Variants in GALNT10 observed in about 807,000 individuals in gnomAD.
GALNT10 encodes the protein polypeptide N-acetylgalactosaminyltransferase 10, also known as GalNAc transferase 10.
In GALNT10, 41 loss-of-function variants were observed where a neutral mutation model predicts 75.0. The ratio of observed to expected loss-of-function variants is 0.55; its 90% CI spans 0.43 to 0.71. The LOEUF is 0.71. GALNT10 is among the 30% of genes least tolerant of loss of function. The pLI is 0.00. For synonymous variants in GALNT10, 302 were observed against 313.0 expected, an observed-to-expected ratio of 0.96 and a Z score of 0.37; for missense variants, 727 against 818.5, an observed-to-expected ratio of 0.89 and a Z score of 1.36.
chr5:154,370,230 G>A (rs1291107627), intron 4 of GALNT10, among the ~76,000 whole-genome samples: 1 of 152,236 alleles, frequency 6.6e-6, no homozygotes, highest in Non-Finnish European at 1.5e-5. Flanking sequence ...AAGGTTCGCA[G>A]ACGCCTCTGG....
chr5:154,333,431 T>A (rs1754896852), intron 4 of GALNT10, among the ~76,000 whole-genome samples: 2 of 152,194 alleles, frequency 1.3e-5, no homozygotes, highest in Admixed American at 1.3e-4. Context: ...TCCCATTGTA[T>A]TACGGTGCAA....
intron 1 of GALNT10, among the ~76,000 whole-genome samples, chr5:154,225,914 A>T (rs1666178335): frequency 6.8e-6 from 1 of 146,234 alleles, no homozygotes; most frequent in South Asian, 2.2e-4. Flanking sequence ...GTTTTCACTC[A>T]TAGGTGGGAA....
chr5:154,277,433 C>T (rs1753968928), intron 1 of GALNT10, among the ~76,000 whole-genome samples: 2 of 151,340 alleles, frequency 1.3e-5, no homozygotes, highest in Non-Finnish European at 2.9e-5. Flanking sequence ...AGTCACAGAG[C>T]CAGACCAACT....
chr5:154,217,347 G>A (rs549499048), intron 1 of GALNT10, among the ~76,000 whole-genome samples: 65 of 152,292 alleles, frequency 4.3e-4, no homozygotes, highest in Non-Finnish European at 5.7e-4. Flanking sequence ...GGCAGATCAC[G>A]CTCCTCTTGT....
chr5:154,360,383 G>A (rs539683838), intron 4 of GALNT10, among the ~76,000 whole-genome samples: 22 of 151,906 alleles, frequency 1.4e-4, no homozygotes, highest in Admixed American at 3.9e-4. Flanking sequence ...TCCGGAAGGC[G>A]GAGGTTGCAG....
At position 154,419,590 on chromosome 5, in the gene GALNT10, G is replaced by T. The variant is rs1216203233; in HGVS notation, c.*2618G>T. ...TCACACCCTGAAAAGGGATGGGTGT[G>T]TCCTCTGAGCACTCTGGCATTTGTC... On this transcript the variant is annotated 3_prime_UTR_variant, in exon 12 of 12. Coordinates refer to ENST00000297107, the MANE Select transcript of GALNT10 (RefSeq NM_198321.4). 1 of 152,204 alleles carries T rather than the reference G, an allele frequency of 6.6e-6. No individual in the cohort carries two copies. Among genetic ancestry groups the T allele is most frequent in the Non-Finnish European group, 1.5e-5 (1 of 68,066 alleles). 9.4% of individuals were successfully genotyped at this position (152,204 alleles called of 1,614,324 possible). A position where few individuals can be genotyped will look rare whatever the true frequency, so the allele number is the denominator to read the frequency against.
intron 1 of GALNT10, among the ~76,000 whole-genome samples, chr5:154,221,954 G>A (rs1250899057): frequency 1.3e-5 from 2 of 151,614 alleles, no homozygotes; most frequent in South Asian, 2.1e-4. Flanking sequence ...TTTTTTTTCC[G>A]TGAAGCTTAG....
intron 1 of GALNT10, among the ~76,000 whole-genome samples, chr5:154,253,002 G>GT (rs373849888): frequency 0.027 from 2,466 of 89,828 alleles, 97 homozygotes; most frequent in East Asian, 0.084. Flanking sequence ...TTTTTTAGTG[G>GT]TTTTTTTTTT....
intron 1 of GALNT10, among the ~76,000 whole-genome samples, chr5:154,286,166 C>G (rs1168740973): frequency 6.6e-6 from 1 of 152,116 alleles, no homozygotes; most frequent in African/African-American, 2.4e-5. Flanking sequence ...GTCTACATTT[C>G]CCCACCACCA....
intron 1 of GALNT10, among the ~76,000 whole-genome samples, chr5:154,192,818 T>C (rs1774879923): frequency 6.6e-6 from 1 of 152,150 alleles, no homozygotes; most frequent in African/African-American, 2.4e-5. Flanking sequence ...CTTGACATTC[T>C]GCCTCTGCTT....
At chr5:154,312,809 A>C (rs1372691865) in intron 3 of GALNT10, among the ~76,000 whole-genome samples, 4 of 152,334 alleles carry the variant, frequency 2.6e-5, no homozygotes, top group East Asian at 3.9e-4. Context: ...GGCAGCTGGC[A>C]GCTCACTGGG....
chr5:154,230,675 C>T (rs1360714036), intron 1 of GALNT10, among the ~76,000 whole-genome samples: 5 of 152,250 alleles, frequency 3.3e-5, no homozygotes, highest in African/African-American at 4.8e-5. Context: ...GGACCACCTA[C>T]ATCCCTGGGC....
At chr5:154,214,758 G>A (rs1403745552) in intron 1 of GALNT10, among the ~76,000 whole-genome samples, 1 of 152,144 alleles carries the variant, frequency 6.6e-6, no homozygotes, top group Admixed American at 6.5e-5. Context: ...TTCTCATTAT[G>A]AAACTGTACT....
At chr5:154,378,220 T>C (rs532189474) in intron 5 of GALNT10, among the ~76,000 whole-genome samples, 1 of 152,326 alleles carries the variant, frequency 6.6e-6, no homozygotes, top group African/African-American at 2.4e-5. Context: ...CCTCCATGCA[T>C]AGCTCACTCT....
At chr5:154,391,441 A>G (rs1755894637) in intron 7 of GALNT10, among the ~76,000 whole-genome samples, 1 of 152,172 alleles carries the variant, frequency 6.6e-6, no homozygotes, top group Admixed American at 6.5e-5. Context: ...AAAGTCATTG[A>G]CTTTCCCTTT....
At chr5:154,277,760 C>T (rs1753973662) in intron 1 of GALNT10, among the ~76,000 whole-genome samples, 1 of 152,104 alleles carries the variant, frequency 6.6e-6, no homozygotes, top group African/African-American at 2.4e-5. Context: ...TATTTCAGGG[C>T]AACTTTATTA....
At chr5:154,207,397 G>A (rs1477652427) in intron 1 of GALNT10, among the ~76,000 whole-genome samples, 1 of 152,140 alleles carries the variant, frequency 6.6e-6, no homozygotes, top group African/African-American at 2.4e-5. Context: ...GAGATGAAAT[G>A]TTTCACTCAA....
At chr5:154,312,481 GGTTTT>G (rs1422879137) in intron 3 of GALNT10, among the ~76,000 whole-genome samples, 1 of 151,908 alleles carries the variant, frequency 6.6e-6, no homozygotes, top group Non-Finnish European at 1.5e-5. Flanking sequence ...TGGGGCTTAG[GGTTTT>G]GTTTTGTTTT....
chr5:154,233,022 G>A (rs895550620), intron 1 of GALNT10, among the ~76,000 whole-genome samples: 1 of 152,156 alleles, frequency 6.6e-6, no homozygotes, highest in African/African-American at 2.4e-5. Context: ...GCTGATCTTG[G>A]ACAAGTTACT....
Sources: allele counts gnomAD v4.1 joint callset (sites outside exome capture counted in the v4.1 genomes callset), GRCh38; gene constraint gnomAD v4.1.1; transcripts MANE v1.5; gene names NCBI Gene and HGNC (gene_info 2026-07-23, HGNC 2026-07-21).